Variants in U2AF2 observed in about 807,000 individuals in gnomAD.
U2AF2 encodes splicing factor U2AF 65 kDa subunit.
A neutral mutation model predicts 52.6 loss-of-function variants in U2AF2; 6 were observed. The observed-to-expected ratio is 0.11, with a 90% CI of 0.06 to 0.23. The LOEUF is 0.23. Among genes scored for constraint, U2AF2 ranks in the 10% least tolerant of loss-of-function variants. The pLI is 1.00. For missense variants in U2AF2, 222 were observed against 677.1 expected (o/e 0.33, Z 7.46); for synonymous variants, 284 against 258.2 (o/e 1.10, Z -0.96).
At chr19:55,656,573 T>C (rs1017042367) in intron 1 of U2AF2, among the ~76,000 whole-genome samples, 7 of 152,226 alleles carry the variant, frequency 4.6e-5, no homozygotes, top group Non-Finnish European at 7.3e-5. Flanking sequence ...ATAGTAACGA[T>C]AGATGTAGTT....
chr19:55,660,848 A>T lies in U2AF2; in HGVS notation c.335-190A>T, dbSNP rs573041548. Among the ~76,000 whole-genome samples the T allele has an allele frequency of 3.6e-4, 55 of 152,058 alleles. 1 individual carries two copies. The highest frequency in any genetic ancestry group is 1.3e-3 in the African/African-American group (55 of 41,464). ...AGGCCTCCATCTGGACGCCATTAGGAAGTGAGGCTTCTGAGGAGCAGCAGT... is the reference window on the plus strand; with the variant it reads ...AGGCCTCCATCTGGACGCCATTAGGTAGTGAGGCTTCTGAGGAGCAGCAGT... On this transcript the variant is annotated intron_variant, in intron 4 of 11. Coordinates refer to ENST00000308924, the MANE Select transcript of U2AF2 (RefSeq NM_007279.3).
At chr19:55,661,268 A>G (rs1600073849) in intron 5 of U2AF2, 79 bp downstream of exon 5, 1 of 1,316,572 alleles carries the variant, frequency 7.6e-7, no homozygotes, top group Admixed American at 2.8e-5. Context: ...CCCTTTCCCC[A>G]ACCTGCACGG....
intron 11 of U2AF2, among the ~76,000 whole-genome samples, chr19:55,672,710 A>G (rs1352342759): frequency 6.6e-6 from 1 of 151,666 alleles, no homozygotes; most frequent in East Asian, 1.9e-4. Flanking sequence ...TTCCATGTTC[A>G]AATTTTTCTA....
chr19:55,669,760 C>A, intron 11 of U2AF2, 68 bp downstream of exon 11: 20 of 1,497,616 alleles, frequency 1.3e-5, no homozygotes, highest in Non-Finnish European at 1.8e-5. Flanking sequence ...CCTCTTTCTT[C>A]CTCTCTTGCT....
rs774319284 is a variant in U2AF2 at position 55,659,263 on chromosome 19, C to T, written c.103C>T (p.Arg35Trp). Reference protein sequence around the residue: ...RKRSHSRSRSRDRKRRSRSRD... With the variant: ...RKRSHSRSRSWDRKRRSRSRD... ...GCGCAGCCACAGCCGCTCTCGGAGC[C>T]GGGACCGCAAACGCCGGAGCCGGAG... Residue 35 changes from arginine (R) to tryptophan (W), a missense_variant, in exon 2 of 12, where the codon CGG becomes TGG. Transcript: ENST00000308924. 3.1e-6 allele frequency: 5 copies of T among 1,603,662 alleles called. No homozygotes were observed. The highest frequency in any genetic ancestry group is 1.3e-5 in the African/African-American group (1 of 74,390).
chr19:55,662,153 G>A (rs761721578), intron 5 of U2AF2: 25 of 194,352 alleles, frequency 1.3e-4, no homozygotes, highest in Non-Finnish European at 2.0e-4. Context: ...CTTGTGTTTC[G>A]TGTTTTTCTT....
chr19:55,669,243 C>G, intron 10 of U2AF2, 62 bp downstream of exon 10: 1 of 1,588,554 alleles, frequency 6.3e-7, no homozygotes, highest in South Asian at 1.1e-5. Context: ...TAGTAGGGGA[C>G]AAGTGTTCCT....
chr19:55,655,462 CTTT>C (rs1983724553), intron 1 of U2AF2, among the ~76,000 whole-genome samples: 1 of 152,248 alleles, frequency 6.6e-6, no homozygotes, highest in Admixed American at 6.5e-5. Flanking sequence ...TCGACGTGAA[CTTT>C]TGTTTTTTAA....
At chr19:55,666,347 CCT>C (rs1381376230) in intron 7 of U2AF2, among the ~76,000 whole-genome samples, 1 of 152,252 alleles carries the variant, frequency 6.6e-6, no homozygotes, top group African/African-American at 2.4e-5. Flanking sequence ...GGTATGGGGC[CCT>C]GTTTCCCCGC....
intron 11 of U2AF2, chr19:55,670,511 C>G: frequency 2.7e-6 from 1 of 370,328 alleles, no homozygotes. Flanking sequence ...GTGCACCCTG[C>G]TGTCCCGTGC....
intron 2 of U2AF2, among the ~76,000 whole-genome samples, 161 bp from the exon 3 acceptor site, chr19:55,660,016 G>GT (rs1984063477): frequency 6.6e-6 from 1 of 151,878 alleles, no homozygotes; most frequent in Non-Finnish European, 1.5e-5. Context: ...GGGTGGGAGT[G>GT]TTTGGGGGGA....
chr19:55,656,943 C>T lies in U2AF2; in HGVS notation c.49+1790C>T, dbSNP rs76941460. On this transcript the variant is annotated intron_variant, in intron 1 of 11. Transcript: ENST00000308924. The stretch of plus-strand genomic sequence containing the variant: ...GTGCTTTCCAAATGTCATTCTGCCA[C>T]ACAACACCTGGATGGAGTAGATACG... Among the ~76,000 whole-genome samples, 192 of 152,318 alleles carry T rather than the reference C, an allele frequency of 1.3e-3. 1 individual carries two copies. Among genetic ancestry groups the T allele is most frequent in the East Asian group, 8.9e-3 (46 of 5,190 alleles).
chr19:55,661,016 C>G (rs369590093), intron 4 of U2AF2, 22 bp from the exon 5 acceptor site: 2 of 1,561,718 alleles, frequency 1.3e-6, no homozygotes, highest in Non-Finnish European at 8.7e-7. Flanking sequence ...GGGGTTTTAT[C>G]CGGCTTTTAT....
rs750513932 is a variant in U2AF2, at chr19:55,661,171, C to A, written c.468C>A (p.Ile156=). ...CCCGGCGCCTCTACGTGGGCAACAT[C>A]CCCTTTGGCATCACTGAGGTACTGC... is the stretch of plus-strand genomic sequence containing the variant. ...RQARRLYVGN[I]PFGITEEAMM... is the part of the protein sequence containing the mutation. The change falls in exon 5 of 12, where the codon ATC becomes ATA. Residue 156 remains isoleucine, a synonymous_variant. Transcript: ENST00000308924. 6.8e-5 allele frequency: 110 copies of A among 1,608,562 alleles called. No homozygotes were observed. Among genetic ancestry groups the A allele is most frequent in the Non-Finnish European group, 9.1e-5 (107 of 1,177,448 alleles).
At chr19:55,663,781 C>T (rs2303087) in intron 7 of U2AF2, 37 bp downstream of exon 7, 3 of 1,611,870 alleles carry the variant, frequency 1.9e-6, no homozygotes, top group Admixed American at 1.7e-5. Context: ...CTTTCTCCCC[C>T]AGTCCTGTTC....
At chr19:55,671,309 A>G (rs974290780) in intron 11 of U2AF2, 2 of 141,550 alleles carry the variant, frequency 1.4e-5, no homozygotes, top group African/African-American at 2.6e-5. Flanking sequence ...AGGGGAGGAG[A>G]AGGCCTATGA....
intron 11 of U2AF2, chr19:55,670,809 C>A: frequency 5.9e-6 from 1 of 170,872 alleles, no homozygotes; most frequent in South Asian, 1.2e-4. Flanking sequence ...GAAATGACCC[C>A]ACATAGTGAG....
Position 55,668,636 on chromosome 19 carries a change from CAT to C in U2AF2, c.823-33_823-32del. On this transcript the variant is annotated intron_variant, in intron 8 of 11. Transcript: ENST00000308924. The surrounding 1 kb of genome is among the most constrained non-coding windows in gnomAD (Gnocchi z 5.5). ...CCCGTCCCCCCACCCCGCCCCACCT[CAT>C]CCCAGCCCTGATGGACTCTCGGCTA... 6.3e-7 allele frequency: 1 copy of C among 1,596,328 alleles called. No individual in the cohort carries two copies. Among genetic ancestry groups the C allele is most frequent in the Non-Finnish European group, 8.6e-7 (1 of 1,167,138 alleles).
chr19:55,666,169 C>T (rs1459848833), intron 7 of U2AF2, among the ~76,000 whole-genome samples: 1 of 152,212 alleles, frequency 6.6e-6, no homozygotes, highest in Admixed American at 6.5e-5. Context: ...GGCTGCCGAG[C>T]TCCTCTCAGG....
Sources: allele counts gnomAD v4.1 joint callset (sites outside exome capture counted in the v4.1 genomes callset), GRCh38; gene constraint gnomAD v4.1.1; non-coding constraint Gnocchi (gnomAD v3.1); transcripts MANE v1.5; gene names NCBI Gene and HGNC (gene_info 2026-07-23, HGNC 2026-07-21).